The following GOT2 variants were observed in gnomAD, a reference collection of about 807,000 sequenced individuals.
GOT2 encodes the protein glutamic-oxaloacetic transaminase 2.
GOT2 carries 17 observed loss-of-function variants against 50.0 expected under a neutral mutation model. That is an observed-to-expected ratio of 0.34 (90% CI 0.23 to 0.51). The LOEUF (loss-of-function observed/expected upper bound fraction) is 0.51. Ranked by LOEUF, GOT2 falls within the 20% of genes least tolerant of loss-of-function variation. The pLI, the probability that GOT2 is intolerant of heterozygous loss-of-function variation, is 0.97. For missense variants in GOT2, 430 were observed against 559.6 expected (o/e 0.77, Z 2.34); for synonymous variants, 172 against 204.9 (o/e 0.84, Z 1.37).
intron 1 of GOT2, among the ~76,000 whole-genome samples, chr16:58,730,907 A>C (rs1405331004): frequency 6.6e-6 from 1 of 152,200 alleles, no homozygotes; most frequent in Non-Finnish European, 1.5e-5. Flanking sequence ...CAAAGCCTCA[A>C]ACATTGAGCA....
chr16:58,728,259 C>T (rs571763813), intron 1 of GOT2, among the ~76,000 whole-genome samples: 28 of 152,216 alleles, frequency 1.8e-4, no homozygotes, highest in Admixed American at 1.1e-3. Flanking sequence ...GCAAACTGTA[C>T]GGATTCAAAT....
chr16:58,716,760 A>G lies in GOT2; in HGVS notation c.756T>C (p.Gly252=). 2 of 1,614,010 alleles carry G rather than the reference A, an allele frequency of 1.2e-6. No individual in the cohort carries two copies. The highest frequency in any genetic ancestry group is 1.7e-6 in the Non-Finnish European group (2 of 1,179,872). The stretch of plus-strand genomic sequence containing the variant: ...CAGCCCAGGCATCCTTATCACCATC[A>G]CCACTGGCAAAGCCTTGGTAGGCCA... ...FDMAYQGFAS[G]DGDKDAWAVR... The change falls in exon 7 of 10, where the codon GGT becomes GGC. Residue 252 remains glycine (G), a synonymous_variant. Transcript: ENST00000245206.
At chr16:58,709,711 C>T (rs2044631034) in intron 8 of GOT2, 144 bp from the exon 9 acceptor site, 1 of 598,814 alleles carries the variant, frequency 1.7e-6, no homozygotes, top group Non-Finnish European at 2.9e-6. Flanking sequence ...TGTCACTGGC[C>T]AGGGAAGAAA....
chr16:58,734,293 A>AG lies in GOT2; in HGVS notation c.-66dup. ...GCAGAGGGCGAGCGGACACACACACAGGGAACCGGCTCCTGCTGAAGGTAA... is the reference window on the plus strand; with the variant it reads ...GCAGAGGGCGAGCGGACACACACACAGGGGAACCGGCTCCTGCTGAAGGTAA... On this transcript the variant is annotated 5_prime_UTR_variant, in exon 1 of 10. Transcript: ENST00000245206. 1 of 874,020 alleles carries AG rather than the reference A, an allele frequency of 1.1e-6. No homozygotes were observed. The highest frequency in any genetic ancestry group is 1.5e-6 in the Non-Finnish European group (1 of 649,042). The allele number at this position is 874,020 out of a possible 1,614,324, so 54.1% of individuals were successfully genotyped here.
Position 58,709,407 on chromosome 16 carries a change from A to C in GOT2, c.1170+10T>G. On this transcript the variant is annotated intron_variant, in intron 9 of 9. Transcript: ENST00000245206. ...AGCTGGTCTGCTGCAGAGAAATCAG[A>C]ATCACTCACCTGTTCAGGCTTTAGC... The C allele has an allele frequency of 6.3e-7, 1 of 1,580,326 alleles. No individual in the cohort carries two copies. The highest frequency in any genetic ancestry group is 1.7e-5 in the Admixed American group (1 of 59,412).
chr16:58,718,094 G>A (rs926582028), intron 6 of GOT2, 102 bp downstream of exon 6: 1 of 834,144 alleles, frequency 1.2e-6, no homozygotes, highest in Admixed American at 1.8e-5. Context: ...GACATTTCAC[G>A]CAGGTTCGAG....
At chr16:58,711,925 C>A (rs1488006331) in intron 8 of GOT2, among the ~76,000 whole-genome samples, 1 of 152,116 alleles carries the variant, frequency 6.6e-6, no homozygotes, top group Non-Finnish European at 1.5e-5. Context: ...ATCTGCTCCA[C>A]CTTCTCAGCT....
intron 8 of GOT2, among the ~76,000 whole-genome samples, chr16:58,709,953 A>C (rs1046077313): frequency 1.3e-5 from 2 of 152,200 alleles, no homozygotes; most frequent in African/African-American, 4.8e-5. Context: ...TCTGTTATAA[A>C]ATGGCTTTGT....
chr16:58,731,624 T>A (rs940504525), intron 1 of GOT2, among the ~76,000 whole-genome samples: 4 of 152,246 alleles, frequency 2.6e-5, no homozygotes, highest in Admixed American at 2.0e-4. Flanking sequence ...TGCAACTATG[T>A]CTGATCTCAT....
intron 2 of GOT2, among the ~76,000 whole-genome samples, chr16:58,722,562 GTT>G (rs2044750978): frequency 6.6e-6 from 1 of 151,828 alleles, no homozygotes; most frequent in African/African-American, 2.4e-5. Context: ...TAGATACGGG[GTT>G]TCACTATGTT....
At chr16:58,725,881 A>T (rs1006617700) in intron 1 of GOT2, among the ~76,000 whole-genome samples, 16 of 152,242 alleles carry the variant, frequency 1.1e-4, no homozygotes, top group African/African-American at 3.9e-4. Context: ...GAAAAAGAGT[A>T]GTATTGGTCT....
Position 58,725,580 on chromosome 16 carries a change from T to C in GOT2, c.90-1678A>G, listed in dbSNP as rs186181430. Among the ~76,000 whole-genome samples the C allele has an allele frequency of 2.7e-3, 419 of 152,368 alleles. 5 individuals carry two copies. Among genetic ancestry groups the C allele is most frequent in the African/African-American group, 9.6e-3 (399 of 41,590 alleles). ...TTTAAAATTTATATACCTTTGTTTA[T>C]TTTTACATGCTCGAGAGGCTATAGC... On this transcript the variant is annotated intron_variant, in intron 1 of 9. Transcript: ENST00000245206.
intron 6 of GOT2, among the ~76,000 whole-genome samples, chr16:58,717,743 T>G (rs2044705585): frequency 6.6e-6 from 1 of 152,168 alleles, no homozygotes; most frequent in Non-Finnish European, 1.5e-5. Context: ...CAGGCTGGAG[T>G]GCAGTGGCAC....
At chr16:58,730,101 C>T (rs1419149412) in intron 1 of GOT2, among the ~76,000 whole-genome samples, 1 of 152,062 alleles carries the variant, frequency 6.6e-6, no homozygotes, top group African/African-American at 2.4e-5. Context: ...GAAGGGGTTG[C>T]CTAGCTAGGG....
At chr16:58,722,074 C>T (rs2044745478) in intron 3 of GOT2, 76 bp downstream of exon 3, 12 of 1,545,928 alleles carry the variant, frequency 7.8e-6, no homozygotes, top group Non-Finnish European at 9.8e-6. Context: ...GCCATCGCGC[C>T]TGGCCTAAAA....
At chr16:58,720,655 T>G (rs1200052518) in intron 3 of GOT2, among the ~76,000 whole-genome samples, 1 of 151,614 alleles carries the variant, frequency 6.6e-6, no homozygotes, top group Non-Finnish European at 1.5e-5. Context: ...CTTGGCTCAC[T>G]GCAACCTCCA....
intron 1 of GOT2, 78 bp from the exon 2 acceptor site, chr16:58,723,980 C>T (rs2044762222): frequency 7.5e-7 from 1 of 1,325,412 alleles, no homozygotes; most frequent in Non-Finnish European, 1.1e-6. Flanking sequence ...ATGAGATAGA[C>T]TCTTGCTCTG....
chr16:58,730,131 G>C (rs2044822697), intron 1 of GOT2, among the ~76,000 whole-genome samples: 1 of 152,124 alleles, frequency 6.6e-6, no homozygotes, highest in African/African-American at 2.4e-5. Flanking sequence ...AATTTATGGA[G>C]ACATTTCTGT....
At chr16:58,718,825 CAGTA>C (rs1297759694) in intron 4 of GOT2, 137 bp from the exon 5 acceptor site, 6 of 692,428 alleles carry the variant, frequency 8.7e-6, no homozygotes, top group Non-Finnish European at 1.4e-5. Context: ...ATTGACTCAG[CAGTA>C]AGACTGCCTG....
Sources: allele counts gnomAD v4.1 joint callset (sites outside exome capture counted in the v4.1 genomes callset), GRCh38; gene constraint gnomAD v4.1.1; transcripts MANE v1.5; gene names NCBI Gene and HGNC (gene_info 2026-07-23, HGNC 2026-07-21).